Variants in METAP1 observed in about 807,000 individuals in gnomAD.
The protein encoded by METAP1 is methionine aminopeptidase 1.
A neutral mutation model predicts 53.8 loss-of-function variants in METAP1; 28 were observed. The ratio of observed to expected loss-of-function variants is 0.52; its 90% confidence interval spans 0.39 to 0.71. The LOEUF is 0.71. METAP1 is among the 30% of genes least tolerant of loss of function. METAP1 has a pLI of 0.00. For missense variants in METAP1, 389 were observed against 479.8 expected, an observed-to-expected ratio of 0.81 and a Z score of 1.77; for synonymous variants, 181 against 165.7, an observed-to-expected ratio of 1.09 and a Z score of -0.71.
rs957897288 is a variant in METAP1 at position 99,057,410 on chromosome 4, A to G, written c.932-343A>G. On this transcript the variant is annotated intron_variant, in intron 9 of 10. Coordinates refer to ENST00000296411, the MANE Select transcript of METAP1 (RefSeq NM_015143.3). ...TGGAACTCTTGGTTCTGTGATTGCAATTCTAATCATGAGGTAATAGAAATC... is the reference window on the plus strand; with the variant it reads ...TGGAACTCTTGGTTCTGTGATTGCAGTTCTAATCATGAGGTAATAGAAATC... Among the ~76,000 whole-genome samples, 4 of 152,182 alleles carry G rather than the reference A, an allele frequency of 2.6e-5. No homozygotes were observed. The South Asian group carries it at 6.2e-4, about 24-fold the overall frequency.
At chr4:99,009,352 C>A (rs1723353823) in intron 1 of METAP1, among the ~76,000 whole-genome samples, 1 of 152,192 alleles carries the variant, frequency 6.6e-6, no homozygotes, top group Non-Finnish European at 1.5e-5. Flanking sequence ...TTCCTTGAGA[C>A]CCTGCTTTCA....
intron 4 of METAP1, chr4:99,036,158 T>G (rs1725406992): frequency 6.5e-6 from 1 of 154,160 alleles, no homozygotes; most frequent in East Asian, 1.9e-4. Context: ...AAATTACTGA[T>G]TTTGCATGTC....
At chr4:99,034,958 T>C (rs779096641) in intron 3 of METAP1, among the ~76,000 whole-genome samples, 1 of 152,198 alleles carries the variant, frequency 6.6e-6, no homozygotes, top group Non-Finnish European at 1.5e-5. Context: ...TAAATTCTCT[T>C]TACTGATGAT....
chr4:99,000,137 A>G (rs1722852345), intron 1 of METAP1, among the ~76,000 whole-genome samples: 1 of 152,208 alleles, frequency 6.6e-6, no homozygotes, highest in Non-Finnish European at 1.5e-5. Flanking sequence ...TAAACACTGA[A>G]TAGTATAGTA....
intron 4 of METAP1, among the ~76,000 whole-genome samples, chr4:99,036,558 C>G (rs554550314): frequency 6.6e-6 from 1 of 151,946 alleles, no homozygotes; most frequent in Non-Finnish European, 1.5e-5. Flanking sequence ...ACATTAGGAC[C>G]CCGTCTCTGC....
chr4:99,029,140 T>G (rs1014943900), intron 2 of METAP1, among the ~76,000 whole-genome samples: 3 of 152,166 alleles, frequency 2.0e-5, no homozygotes, highest in African/African-American at 7.2e-5. Flanking sequence ...AAACATGAGA[T>G]AGTTGTTAGT....
chr4:99,043,581 C>T (rs1726022793), intron 7 of METAP1, among the ~76,000 whole-genome samples, 194 bp downstream of exon 7: 2 of 152,114 alleles, frequency 1.3e-5, no homozygotes, highest in Admixed American at 1.3e-4. Context: ...TAAGATACTT[C>T]CGGTGTGATG....
At chr4:99,012,287 T>A (rs577356668) in intron 1 of METAP1, among the ~76,000 whole-genome samples, 1 of 123,592 alleles carries the variant, frequency 8.1e-6, no homozygotes, top group African/African-American at 3.2e-5. Flanking sequence ...TTTTTTTTTT[T>A]CAAGACAGTG....
At chr4:99,044,843 A>C (rs1473457754) in intron 7 of METAP1, among the ~76,000 whole-genome samples, 1 of 152,192 alleles carries the variant, frequency 6.6e-6, no homozygotes, top group African/African-American at 2.4e-5. Flanking sequence ...AATGTAGCAA[A>C]GTTTTCAATT....
intron 1 of METAP1, among the ~76,000 whole-genome samples, chr4:99,013,866 A>T (rs1723610176): frequency 6.6e-6 from 1 of 152,218 alleles, no homozygotes; most frequent in Non-Finnish European, 1.5e-5. Context: ...TAACCGGGGA[A>T]TGATAAATCT....
intron 1 of METAP1, among the ~76,000 whole-genome samples, chr4:99,002,398 C>G (rs187263397): frequency 3.0e-4 from 45 of 152,318 alleles, no homozygotes; most frequent in Non-Finnish European, 4.9e-4. Flanking sequence ...GTGCTTGATC[C>G]TGAACTTCGC....
rs368960333 is a variant in METAP1 at position 99,061,142 on chromosome 4, T to C, written c.998-12T>C. 12 of 1,601,932 alleles carry C rather than the reference T, an allele frequency of 7.5e-6. No homozygotes were observed. The highest frequency in any genetic ancestry group is 9.4e-6 in the Non-Finnish European group (11 of 1,174,708). On this transcript the variant is annotated splice_polypyrimidine_tract_variant and intron_variant, in intron 10 of 10. Transcript: ENST00000296411. ...ACTGAGTGAACTAAGAAATTGTTTT[T>C]GTTTGTTGAAGGCGGATGGCAGGAT...
Position 99,035,466 on chromosome 4 carries a change from C to T in METAP1, c.340+6C>T. 6.5e-7 allele frequency: 1 copy of T among 1,538,014 alleles called. No individual in the cohort carries two copies. ...TTATGCTGATCATCCCTTAGGTAAG[C>T]TCTGCTATGTTGATTCTTCATTTTT... On this transcript the variant is annotated splice_donor_region_variant and intron_variant, in intron 4 of 10. Coordinates refer to ENST00000296411, the MANE Select transcript of METAP1 (RefSeq NM_015143.3).
chr4:98,998,908 T>G (rs999298198), intron 1 of METAP1, among the ~76,000 whole-genome samples: 2 of 152,090 alleles, frequency 1.3e-5, no homozygotes, highest in Non-Finnish European at 2.9e-5. Flanking sequence ...CCTCCCAGGT[T>G]CAAGCAGTTC....
At chr4:99,014,933 T>C (rs915264447) in intron 1 of METAP1, among the ~76,000 whole-genome samples, 2 of 152,204 alleles carry the variant, frequency 1.3e-5, no homozygotes, top group Non-Finnish European at 2.9e-5. Context: ...CCCTGGAAGA[T>C]GGAGGCTGAA....
chr4:99,051,133 G>A (rs1726668231), intron 9 of METAP1, among the ~76,000 whole-genome samples: 1 of 152,140 alleles, frequency 6.6e-6, no homozygotes, highest in South Asian at 2.1e-4. Flanking sequence ...AGTATGTGCA[G>A]GGGAGGGAAT....
chr4:99,052,339 C>A (rs1726772848), intron 9 of METAP1, among the ~76,000 whole-genome samples: 1 of 152,098 alleles, frequency 6.6e-6, no homozygotes, highest in Non-Finnish European at 1.5e-5. Context: ...TTAGAAATTC[C>A]TGGTAGAATT....
intron 1 of METAP1, chr4:98,997,309 C>T (rs751477438): frequency 1.3e-5 from 2 of 152,704 alleles, no homozygotes; most frequent in East Asian, 1.9e-4. Flanking sequence ...AGGATATGAT[C>T]CTTGACCTTG....
chr4:99,027,229 G>T (rs892465612), intron 1 of METAP1, among the ~76,000 whole-genome samples: 1 of 152,090 alleles, frequency 6.6e-6, no homozygotes, highest in African/African-American at 2.4e-5. Flanking sequence ...TAGGAGAAAT[G>T]GTATACAAAT....
Sources: allele counts gnomAD v4.1 joint callset (sites outside exome capture counted in the v4.1 genomes callset), GRCh38; gene constraint gnomAD v4.1.1; transcripts MANE v1.5; gene names NCBI Gene and HGNC (gene_info 2026-07-23, HGNC 2026-07-21).